CCNY: variants seen among roughly 807,000 people sequenced by gnomAD.
CCNY encodes the protein cyclin Y.
Under a neutral mutation model 42.8 loss-of-function variants are expected in CCNY, and 19 were observed. That is an observed-to-expected ratio of 0.44 (90% confidence interval 0.31 to 0.65). The LOEUF is 0.65. Ranked by LOEUF, CCNY falls within the 30% of genes least tolerant of loss-of-function variation. The pLI, the probability that CCNY is intolerant of heterozygous loss-of-function variation, is 0.07. For missense variants in CCNY, 370 were observed against 437.3 expected (o/e 0.85, Z 1.37); for synonymous variants, 165 against 162.7 (o/e 1.01, Z -0.11).
At chr10:35,421,471 C>G (rs932919042) in intron 1 of CCNY, among the ~76,000 whole-genome samples, 1 of 152,124 alleles carries the variant, frequency 6.6e-6, no homozygotes, top group African/African-American at 2.4e-5. Flanking sequence ...TTCTAGAACC[C>G]CCGACCCAGG....
intron 1 of CCNY, among the ~76,000 whole-genome samples, chr10:35,370,754 C>G (rs182825054): frequency 1.7e-4 from 25 of 151,182 alleles, no homozygotes; most frequent in Admixed American, 1.6e-3. Flanking sequence ...CTCGCACTTT[C>G]GCCCAGGCTG....
At chr10:35,418,762 G>A (rs1333637047) in intron 1 of CCNY, among the ~76,000 whole-genome samples, 1 of 152,106 alleles carries the variant, frequency 6.6e-6, no homozygotes, top group African/African-American at 2.4e-5. Context: ...GCTCATGTGA[G>A]GTGTGATGTA....
chr10:35,298,186 A>G lies in CCNY; in HGVS notation c.-9+47560A>G, dbSNP rs534218150. 1.4e-4 allele frequency among the ~76,000 whole-genome samples: 21 copies of G among 152,292 alleles called. No homozygotes were observed. The South Asian group carries it at 3.3e-3, about 24-fold the overall frequency. ...ACAGAAATTTGTTGAAGTGTAATTA[A>G]CGTAAAATAAGCACACCCATTTTAG... On this transcript the variant is annotated intron_variant, in intron 3 of 11. Coordinates refer to the CCNY transcript ENST00000374706.
intron 1 of CCNY, among the ~76,000 whole-genome samples, chr10:35,351,060 A>G (rs1252631330): frequency 6.6e-6 from 1 of 152,246 alleles, no homozygotes; most frequent in East Asian, 1.9e-4. Context: ...CATATAGCAC[A>G]CAACTTTTAT....
intron 2 of CCNY, among the ~76,000 whole-genome samples, chr10:35,248,899 AGTG>A (rs2095709940): frequency 6.6e-6 from 1 of 152,162 alleles, no homozygotes; most frequent in African/African-American, 2.4e-5. Flanking sequence ...TTGCTTAGGA[AGTG>A]GCCTGAATTT....
intron 8 of CCNY, among the ~76,000 whole-genome samples, chr10:35,559,814 A>C (rs1045422433): frequency 1.1e-4 from 17 of 152,242 alleles, no homozygotes; most frequent in African/African-American, 3.9e-4. Context: ...CCCAGCAGGC[A>C]CAGCCTGGAG....
At chr10:35,394,745 C>A in intron 1 of CCNY, 1 of 515,038 alleles carries the variant, frequency 1.9e-6, no homozygotes, top group Non-Finnish European at 2.5e-6. Context: ...GTTTTTAGGG[C>A]ATGTTTTTCA....
chr10:35,514,546 T>A (rs1840390914), intron 3 of CCNY, among the ~76,000 whole-genome samples: 3 of 152,182 alleles, frequency 2.0e-5, no homozygotes, highest in African/African-American at 7.2e-5. Flanking sequence ...CTTCCTAGAT[T>A]ATGATGGGAC....
chr10:35,472,182 G>T (rs4934754), intron 1 of CCNY, among the ~76,000 whole-genome samples: 52,351 of 151,952 alleles, frequency 0.34, 9,254 homozygotes, highest in African/African-American at 0.42. Flanking sequence ...ACTCCTAATC[G>T]TCATAGCAGT....
intron 1 of CCNY, among the ~76,000 whole-genome samples, chr10:35,362,913 C>T (rs144739642): frequency 9.9e-4 from 150 of 151,514 alleles, no homozygotes; most frequent in African/African-American, 2.7e-3. Context: ...GGGCGGCAGC[C>T]GGACAGAGGC....
At chr10:35,568,055 GT>G (rs1841606637) in intron 9 of CCNY, among the ~76,000 whole-genome samples, 1 of 152,182 alleles carries the variant, frequency 6.6e-6, no homozygotes, top group Non-Finnish European at 1.5e-5. Flanking sequence ...TATGGCTCTA[GT>G]GGCTGCTTCA....
At chr10:35,314,907 A>T (rs1028718231) in intron 3 of CCNY, 1 of 151,810 alleles carries the variant, frequency 6.6e-6, no homozygotes, top group African/African-American at 2.4e-5. Flanking sequence ...ACATGGAGAA[A>T]CCCCGTCTCT....
intron 3 of CCNY, among the ~76,000 whole-genome samples, chr10:35,326,567 TTG>T (rs1835882700): frequency 6.6e-6 from 1 of 152,174 alleles, no homozygotes; most frequent in Non-Finnish European, 1.5e-5. Flanking sequence ...TCTGTACAGA[TTG>T]CTGAGTTTCC....
Position 35,552,948 on chromosome 10 carries a change from CA to C in CCNY, c.580-70del, listed in dbSNP as rs1325359403. ...AAGGTGGATGTAATACATATTTTAG[CA>C]TTTCTTGAGGTGTGCTGGTGTTTAG... On this transcript the variant is annotated intron_variant, in intron 7 of 9. Coordinates refer to ENST00000374704, the MANE Select transcript of CCNY (RefSeq NM_145012.6). 2.1e-5 allele frequency: 30 copies of C among 1,429,902 alleles called. No individual in the cohort carries two copies. The South Asian group carries it at 3.1e-4, about 15-fold the overall frequency. 88.6% of individuals were successfully genotyped at this position (1,429,902 alleles called of 1,614,324 possible). A position where few individuals can be genotyped will look rare whatever the true frequency, so the allele number is the denominator to read the frequency against.
upstream of CCNY, among the ~76,000 whole-genome samples, chr10:35,334,679 C>T (rs1835989246): frequency 6.6e-6 from 1 of 152,152 alleles, no homozygotes; most frequent in African/African-American, 2.4e-5. Flanking sequence ...TGGACATCTG[C>T]CACTTATCCT....
intron 1 of CCNY, among the ~76,000 whole-genome samples, chr10:35,396,362 C>G (rs1283029818): frequency 6.6e-6 from 1 of 152,204 alleles, no homozygotes; most frequent in Non-Finnish European, 1.5e-5. Context: ...CATCTGTGCT[C>G]TGCTCCCCAC....
intron 3 of CCNY, among the ~76,000 whole-genome samples, chr10:35,267,644 C>T (rs2095726980): frequency 6.6e-6 from 1 of 152,166 alleles, no homozygotes. Flanking sequence ...GCCCTGGTTG[C>T]TCCCTCTTGT....
At chr10:35,444,631 G>T (rs750165176) in intron 1 of CCNY, among the ~76,000 whole-genome samples, 1 of 152,214 alleles carries the variant, frequency 6.6e-6, no homozygotes, top group Non-Finnish European at 1.5e-5. Flanking sequence ...ACTACATTAT[G>T]ATGTCACTAG....
At chr10:35,399,580 C>T (rs904645528) in intron 1 of CCNY, among the ~76,000 whole-genome samples, 24 of 152,314 alleles carry the variant, frequency 1.6e-4, no homozygotes, top group Middle Eastern at 3.4e-3. Context: ...TGGTGTTTCA[C>T]GCTGTTAATC....
Sources: gnomAD v4.1 joint callset for allele counts (sites outside exome capture counted in the v4.1 genomes callset) on GRCh38, gnomAD v4.1.1 for gene constraint, MANE v1.5 for transcripts, NCBI Gene and HGNC (gene_info 2026-07-23, HGNC 2026-07-21) for gene names.